The following CTBP2 variants were observed in gnomAD, a reference collection of about 807,000 sequenced individuals.
CTBP2 encodes the protein C-terminal binding protein 2, also known as C-terminal-binding protein 2.
CTBP2 carries 30 observed loss-of-function variants against 80.3 expected under a neutral mutation model. The observed-to-expected ratio is 0.37, with a 90% CI of 0.28 to 0.51. CTBP2 has a LOEUF of 0.51. Ranked by LOEUF, CTBP2 falls within the 20% of genes least tolerant of loss-of-function variation. The pLI, the probability that CTBP2 is intolerant of heterozygous loss-of-function variation, is 0.93. For missense variants in CTBP2, 1,212 were observed against 1,375.3 expected, an observed-to-expected ratio of 0.88 and a Z score of 1.88; for synonymous variants, 594 against 587.4, an observed-to-expected ratio of 1.01 and a Z score of -0.16.
rs554276273 is a variant in CTBP2, at chr10:125,060,463, C to T, written c.-101-21308G>A. ...TGGTCATGATATTCCATTCCCCCCA[C>T]GTGTGTGTGTGTGTGTGTGTGTGTG... On this transcript the variant is annotated intron_variant, in intron 2 of 10. Transcript: ENST00000337195. 2.1e-3 allele frequency among the ~76,000 whole-genome samples: 316 copies of T among 147,988 alleles called. 1 individual carries two copies. Among genetic ancestry groups the T allele is most frequent in the African/African-American group, 7.4e-3 (297 of 40,214 alleles).
chr10:125,134,871 TCCTCCTG>T (rs201856798), intron 1 of CTBP2, among the ~76,000 whole-genome samples: 48 of 142,780 alleles, frequency 3.4e-4, no homozygotes, highest in South Asian at 1.1e-3. Flanking sequence ...GCTGCTTAGC[TCCTCCTG>T]CCTCCTGCCC....
At chr10:125,108,377 G>A (rs548931112) in intron 2 of CTBP2, among the ~76,000 whole-genome samples, 8 of 152,310 alleles carry the variant, frequency 5.3e-5, no homozygotes, top group Middle Eastern at 3.4e-3. Flanking sequence ...AGGGCCTCAC[G>A]GATTCACCAT....
chr10:125,052,794 A>G (rs1411853236), intron 2 of CTBP2, among the ~76,000 whole-genome samples: 2 of 152,176 alleles, frequency 1.3e-5, no homozygotes, highest in Non-Finnish European at 2.9e-5. Flanking sequence ...ACACATTCCC[A>G]TGGGAGCCCA....
At chr10:125,124,881 A>G (rs1854962946) in intron 1 of CTBP2, among the ~76,000 whole-genome samples, 1 of 152,198 alleles carries the variant, frequency 6.6e-6, no homozygotes. Context: ...TAAATATGCA[A>G]TTCCAAACAG....
intron 2 of CTBP2, among the ~76,000 whole-genome samples, chr10:125,063,617 C>G (rs1333652105): frequency 6.6e-6 from 1 of 152,208 alleles, no homozygotes; most frequent in African/African-American, 2.4e-5. Context: ...ATTGCTGATT[C>G]CTACCAAATG....
chr10:125,091,778 CA>C (rs1471751241), intron 2 of CTBP2, among the ~76,000 whole-genome samples: 1 of 151,808 alleles, frequency 6.6e-6, no homozygotes, highest in Non-Finnish European at 1.5e-5. Context: ...TGGAAAAAAA[CA>C]AAAAAACCCA....
At chr10:125,095,972 C>A (rs77817275) in intron 2 of CTBP2, among the ~76,000 whole-genome samples, 1 of 152,056 alleles carries the variant, frequency 6.6e-6, no homozygotes, top group Non-Finnish European at 1.5e-5. Flanking sequence ...TCGGCCCTAA[C>A]GCAGCCGTTT....
At chr10:125,020,195 G>A (rs187987128) in intron 1 of CTBP2, among the ~76,000 whole-genome samples, 37 of 152,290 alleles carry the variant, frequency 2.4e-4, no homozygotes, top group African/African-American at 8.9e-4. Context: ...AGCTTTTAAA[G>A]ATTTCAGAGG....
In CTBP2 at chr10:125,026,735, A is replaced by G. The variant is rs750026374; in HGVS notation, c.1025T>C (p.Leu342Pro). 1.2e-6 allele frequency: 2 copies of G among 1,612,938 alleles called. No homozygotes were observed. Among genetic ancestry groups the G allele is most frequent in the Non-Finnish European group, 1.7e-6 (2 of 1,179,928 alleles). The stretch of plus-strand genomic sequence containing the variant: ...CCTGCAGCTATTGGCCAGGCGGCTC[A>G]GAACACGGGCCTGGCCCAGGTTGGG... Residue 342 changes from leucine (L) to proline (P), a missense_variant, in exon 1 of 9, where the codon CTG becomes CCG. Around this residue, in one of 3 missense-constraint regions of CTBP2, gnomAD observed 848 missense variants for 782.3 expected, o/e 1.08. Transcript: ENST00000309035.
intron 2 of CTBP2, among the ~76,000 whole-genome samples, chr10:125,053,082 G>A (rs945941299): frequency 1.4e-5 from 2 of 144,214 alleles, no homozygotes; most frequent in African/African-American, 2.8e-5. Flanking sequence ...AGGCTTATTC[G>A]AAGAGAGAGA....
Position 125,127,633 on chromosome 10 carries a change from G to A in CTBP2, c.-205-16540C>T, listed in dbSNP as rs576798400. ...CATGTTGTACTTCTGACTCTTTCCA[G>A]CAATCTCAAGCACAAGAAGCAGTTG... On this transcript the variant is annotated intron_variant, in intron 1 of 10. Coordinates refer to the CTBP2 transcript ENST00000337195. Among the ~76,000 whole-genome samples, 12 of 152,264 alleles carry A rather than the reference G, an allele frequency of 7.9e-5. No individual in the cohort carries two copies. The South Asian group carries it at 1.4e-3, about 18-fold the overall frequency.
At chr10:125,034,426 T>C (rs1004161322) in intron 3 of CTBP2, among the ~76,000 whole-genome samples, 1 of 152,250 alleles carries the variant, frequency 6.6e-6, no homozygotes, top group African/African-American at 2.4e-5. Flanking sequence ...GTATGTTCAT[T>C]TGTGCTTTGG....
At chr10:125,023,684 C>T (rs1590139172) in intron 1 of CTBP2, among the ~76,000 whole-genome samples, 1 of 152,196 alleles carries the variant, frequency 6.6e-6, no homozygotes, top group East Asian at 1.9e-4. Context: ...GACTGCTTGG[C>T]CAGCAAACTG....
At chr10:125,034,670 A>C (rs1428858115) in intron 3 of CTBP2, among the ~76,000 whole-genome samples, 1 of 152,208 alleles carries the variant, frequency 6.6e-6, no homozygotes, top group Non-Finnish European at 1.5e-5. Flanking sequence ...TTCTTTACGA[A>C]GCGCTCAAAG....
At chr10:125,023,580 C>T (rs1188095294) in intron 1 of CTBP2, among the ~76,000 whole-genome samples, 2 of 152,178 alleles carry the variant, frequency 1.3e-5, no homozygotes, top group African/African-American at 2.4e-5. Flanking sequence ...CTGCCACTCA[C>T]GCGGGCCTGG....
chr10:125,052,986 A>G (rs1963121718), intron 2 of CTBP2, among the ~76,000 whole-genome samples: 2 of 152,208 alleles, frequency 1.3e-5, no homozygotes. Context: ...CCCAGAATGA[A>G]GTTTATGAAT....
intron 2 of CTBP2, among the ~76,000 whole-genome samples, chr10:125,050,469 C>T (rs944714109): frequency 2.0e-5 from 3 of 152,174 alleles, no homozygotes; most frequent in African/African-American, 7.2e-5. Flanking sequence ...TAACGGAAAC[C>T]CAGAGGGATG....
intron 1 of CTBP2, among the ~76,000 whole-genome samples, chr10:125,138,472 G>T (rs1009928555): frequency 6.6e-6 from 1 of 152,118 alleles, no homozygotes; most frequent in African/African-American, 2.4e-5. Context: ...CGGCAGTTCA[G>T]AAACAGCGGA....
chr10:125,021,023 G>C (rs1224179319), intron 1 of CTBP2, among the ~76,000 whole-genome samples: 5 of 152,178 alleles, frequency 3.3e-5, no homozygotes, highest in Non-Finnish European at 7.4e-5. Context: ...AGTTGTCCCG[G>C]CATGGCTCAC....
Sources: allele counts gnomAD v4.1 joint callset (sites outside exome capture counted in the v4.1 genomes callset), GRCh38; gene constraint gnomAD v4.1.1; regional missense constraint gnomAD v4.1.1; transcripts MANE v1.5; gene names NCBI Gene and HGNC (gene_info 2026-07-23, HGNC 2026-07-21).